The following PRDM11 variants were observed in gnomAD, a reference collection of about 807,000 sequenced individuals.
The protein encoded by PRDM11 is PR domain-containing protein 11.
In PRDM11, 20 loss-of-function variants were observed where a neutral mutation model predicts 97.8. The ratio of observed to expected loss-of-function variants is 0.20; its 90% confidence interval spans 0.14 to 0.30. The LOEUF is 0.30. Among genes scored for constraint, PRDM11 ranks in the 10% least tolerant of loss-of-function variants. The probability of loss-of-function intolerance (pLI) is 1.00; values close to 1 mark genes in which losing one functional copy is unlikely to be tolerated. For synonymous variants in PRDM11, 599 were observed against 637.7 expected (o/e 0.94, Z 0.91); for missense variants, 1,139 against 1,555.2 (o/e 0.73, Z 4.50).
intron 1 of PRDM11, among the ~76,000 whole-genome samples, chr11:45,128,149 C>G (rs1291554616): frequency 6.6e-6 from 1 of 152,254 alleles, no homozygotes; most frequent in East Asian, 1.9e-4. Context: ...CCCTCCGAGC[C>G]ATGTGCAGGA....
At chr11:45,144,342 C>G (rs1263805592), upstream of PRDM11, among the ~76,000 whole-genome samples, 2 of 152,158 alleles carry the variant, frequency 1.3e-5, no homozygotes, top group African/African-American at 2.4e-5. Context: ...TGGACAAGTC[C>G]CAGTGTGACG....
chr11:45,130,735 T>C (rs1852698570), intron 1 of PRDM11, among the ~76,000 whole-genome samples: 2 of 152,232 alleles, frequency 1.3e-5, no homozygotes, highest in African/African-American at 4.8e-5. Context: ...ATTGCTTATA[T>C]TATTTTGAGC....
At chr11:45,186,603 T>A (rs1460693071) in intron 4 of PRDM11, among the ~76,000 whole-genome samples, 2 of 152,082 alleles carry the variant, frequency 1.3e-5, no homozygotes, top group Admixed American at 6.5e-5. Context: ...CTTGGCCCCC[T>A]TGGCAGGAGC....
At chr11:45,149,752 G>T (rs754840) in intron 1 of PRDM11, among the ~76,000 whole-genome samples, 223 of 152,328 alleles carry the variant, frequency 1.5e-3, no homozygotes, top group Non-Finnish European at 2.6e-3. Context: ...GTGTCACTCC[G>T]TGCGTGAAGC....
At chr11:45,190,455 C>CTTT (rs373876725) in intron 4 of PRDM11, among the ~76,000 whole-genome samples, 1 of 141,570 alleles carries the variant, frequency 7.1e-6, no homozygotes, top group Non-Finnish European at 1.5e-5. Context: ...GCCATACATT[C>CTTT]TTTTTTTTTT....
intron 6 of PRDM11, among the ~76,000 whole-genome samples, chr11:45,221,260 A>G (rs963560450): frequency 6.6e-6 from 1 of 152,172 alleles, no homozygotes. Context: ...GGTTTGGCAC[A>G]TGTTGGTTTC....
intron 1 of PRDM11, among the ~76,000 whole-genome samples, chr11:45,163,493 G>GC (rs924304075): frequency 6.6e-6 from 1 of 151,712 alleles, no homozygotes; most frequent in African/African-American, 2.4e-5. Flanking sequence ...GAGGATGGGG[G>GC]GGGGTACCCG....
At chr11:45,171,359 C>T (rs1210076820) in intron 1 of PRDM11, among the ~76,000 whole-genome samples, 1 of 152,194 alleles carries the variant, frequency 6.6e-6, no homozygotes, top group Non-Finnish European at 1.5e-5. Flanking sequence ...CTCGGCCTCC[C>T]AAAGTGCTGG....
chr11:45,226,675 G>A lies in PRDM11; in HGVS notation c.2050G>A (p.Asp684Asn). The change falls in exon 8 of 8, where the codon GAT becomes AAT. Residue 684 changes from aspartate (D) to asparagine (N), a missense_variant. Physicochemically the swap from Asp to Asn is conservative, Grantham distance 23 (BLOSUM62 1). Transcript: ENST00000683152. Reference protein sequence around the residue: ...VAVYVQYTSSDGPPATEFLSL... With the variant: ...VAVYVQYTSSNGPPATEFLSL... ...TGTCTATGTTCAGTACACCAGCAGTGATGGGCCCCCGGCCACAGAGTTCCT... is the reference window on the plus strand; with the variant it reads ...TGTCTATGTTCAGTACACCAGCAGTAATGGGCCCCCGGCCACAGAGTTCCT... 6.5e-7 allele frequency: 1 copy of A among 1,534,006 alleles called. No homozygotes were observed. Among genetic ancestry groups the A allele is most frequent in the South Asian group, 1.2e-5 (1 of 83,974 alleles).
intron 1 of PRDM11, among the ~76,000 whole-genome samples, chr11:45,136,989 C>CAA (rs759854361): frequency 0.34 from 36,880 of 109,314 alleles, 5,446 homozygotes; most frequent in Admixed American, 0.42. Flanking sequence ...ACTAAAAATA[C>CAA]AAAAAAAAAA....
At chr11:45,141,383 T>C (rs537422186) in intron 1 of PRDM11, among the ~76,000 whole-genome samples, 24 of 152,202 alleles carry the variant, frequency 1.6e-4, no homozygotes, top group Non-Finnish European at 2.9e-4. Context: ...ATGTCACTTC[T>C]GAAATTAGTT....
At chr11:45,129,178 C>CA (rs1471744319) in intron 1 of PRDM11, among the ~76,000 whole-genome samples, 2 of 152,110 alleles carry the variant, frequency 1.3e-5, no homozygotes, top group Non-Finnish European at 2.9e-5. Flanking sequence ...AGGATATCTA[C>CA]AAAAACCCTT....
Position 45,229,955 on chromosome 11 carries a change from T to C in PRDM11, c.*1796T>C, listed in dbSNP as rs1350795758. On this transcript the variant is annotated 3_prime_UTR_variant, in exon 8 of 8. Coordinates refer to ENST00000683152, the MANE Select transcript of PRDM11 (RefSeq NM_001384648.1). ...TTGTCTCTGAGGCCTCATGCCACCG[T>C]TGAGAACCATAGTGGAAATGTCATC... is the stretch of plus-strand genomic sequence containing the variant. The C allele has an allele frequency of 1.3e-5, 2 of 152,084 alleles. No homozygotes were observed. The highest frequency in any genetic ancestry group is 2.9e-5 in the Non-Finnish European group (2 of 68,022). 9.4% of individuals were successfully genotyped at this position (152,084 alleles called of 1,614,324 possible). A position where few individuals can be genotyped will look rare whatever the true frequency, so the allele number is the denominator to read the frequency against.
chr11:45,182,346 T>A lies in PRDM11; in HGVS notation c.220T>A (p.Trp74Arg). ...CAAAAGCTTCCAGCAAGTGGACTTC[T>A]GGTGTAAGTGGAGCTTGGGGCTCTG... ...VPKSFQQVDF[W>R]FCESCQEYFV... Residue 74 changes from tryptophan (W) to arginine (R), a missense_variant, in exon 3 of 8, where the codon TGG (tryptophan) becomes AGG (arginine). This residue lies in a region of PRDM11 where 429 missense variants were observed against 510.3 expected (regional missense o/e 0.84). Transcript: ENST00000683152. The A allele has an allele frequency of 1.9e-6, 3 of 1,613,440 alleles. No individual in the cohort carries two copies. The highest frequency in any genetic ancestry group is 2.5e-6 in the Non-Finnish European group (3 of 1,179,582).
At chr11:45,153,209 T>C (rs1851703280) in intron 1 of PRDM11, among the ~76,000 whole-genome samples, 2 of 152,284 alleles carry the variant, frequency 1.3e-5, no homozygotes, top group East Asian at 3.9e-4. Flanking sequence ...GACCCGCAGA[T>C]AAAATCCAGC....
chr11:45,100,580 G>T (rs566015417), intron 1 of PRDM11, among the ~76,000 whole-genome samples: 18 of 152,296 alleles, frequency 1.2e-4, no homozygotes, highest in Admixed American at 2.6e-4. Flanking sequence ...CTGATTGGCT[G>T]GTGAGATCAC....
At chr11:45,164,460 T>G (rs1299508468) in intron 1 of PRDM11, among the ~76,000 whole-genome samples, 1 of 152,222 alleles carries the variant, frequency 6.6e-6, no homozygotes, top group Admixed American at 6.5e-5. Flanking sequence ...ATGAATCATT[T>G]CCCATCTGGG....
rs889785208 is a variant in PRDM11, at chr11:45,233,059, G to A, written c.*4900G>A. On this transcript the variant is annotated 3_prime_UTR_variant, in exon 8 of 8. Coordinates refer to ENST00000683152, the MANE Select transcript of PRDM11 (RefSeq NM_001384648.1). ...TTGTATATATGGACATATACAGTACGTATACACACAGAGTAAGAGAGTAAA... is the reference window on the plus strand; with the variant it reads ...TTGTATATATGGACATATACAGTACATATACACACAGAGTAAGAGAGTAAA... 3 of 152,084 alleles carry A rather than the reference G, an allele frequency of 2.0e-5. No individual in the cohort carries two copies. Among genetic ancestry groups the A allele is most frequent in the African/African-American group, 4.8e-5 (2 of 41,398 alleles). The allele number at this position is 152,084 out of a possible 1,614,324, so 9.4% of individuals were successfully genotyped here.
Position 45,218,980 on chromosome 11 carries a change from C to A in PRDM11, c.555-590C>A, listed in dbSNP as rs116873118. On this transcript the variant is annotated intron_variant, in intron 5 of 7. Coordinates refer to ENST00000683152, the MANE Select transcript of PRDM11 (RefSeq NM_001384648.1). The stretch of plus-strand genomic sequence containing the variant: ...CCTTAAAATCATTTAGTAAGATTAA[C>A]CAGTGGTTGTCAACCTTTTGTAGTC... Among the ~76,000 whole-genome samples, 691 of 152,318 alleles carry A rather than the reference C, an allele frequency of 4.5e-3. 3 individuals carry two copies. The highest frequency in any genetic ancestry group is 0.024 in the Middle Eastern group (7 of 294).
Sources: gnomAD v4.1 joint callset for allele counts (sites outside exome capture counted in the v4.1 genomes callset) on GRCh38, gnomAD v4.1.1 for gene constraint, gnomAD v4.1.1 regional missense constraint, MANE v1.5 for transcripts, NCBI Gene and HGNC (gene_info 2026-07-23, HGNC 2026-07-21) for gene names.